The following PSAT1 variants were observed in gnomAD, a reference collection of about 807,000 sequenced individuals.
PSAT1 encodes the protein phosphoserine aminotransferase 1, also known as phosphoserine aminotransferase.
A neutral mutation model predicts 40.3 loss-of-function variants in PSAT1; 41 were observed. The ratio of observed to expected loss-of-function variants is 1.02; its 90% confidence interval spans 0.79 to 1.32. The LOEUF is 1.32. Among genes scored for constraint, PSAT1 ranks in the 40% most tolerant of loss-of-function variants. The pLI is 0.00. For missense variants in PSAT1, 406 were observed against 455.8 expected, an observed-to-expected ratio of 0.89 and a Z score of 0.99; for synonymous variants, 147 against 170.5, an observed-to-expected ratio of 0.86 and a Z score of 1.07.
intron 6 of PSAT1, among the ~76,000 whole-genome samples, chr9:78,315,477 T>G (rs1420911816): frequency 6.6e-6 from 1 of 152,236 alleles, no homozygotes; most frequent in African/African-American, 2.4e-5. Context: ...CTGTCTCTTT[T>G]GTCCCTCTGA....
At chr9:78,308,358 A>T in intron 5 of PSAT1, 56 bp from the exon 6 acceptor site, 2 of 1,576,038 alleles carry the variant, frequency 1.3e-6, no homozygotes, top group Non-Finnish European at 1.7e-6. Context: ...AAGTTTGCAT[A>T]CATGTATGAA....
chr9:78,329,296 A>C lies in PSAT1; in HGVS notation c.*210A>C, dbSNP rs1297266168. On this transcript the variant is annotated 3_prime_UTR_variant, in exon 9 of 9. Coordinates refer to ENST00000376588, the MANE Select transcript of PSAT1 (RefSeq NM_058179.4). The stretch of plus-strand genomic sequence containing the variant: ...CACCTTAATTCTGACTTGAACTGGA[A>C]GCATTTTAAGAAATCTTGTTGCTTT... The C allele has an allele frequency of 1.8e-6, 1 of 548,720 alleles. No homozygotes were observed. Among genetic ancestry groups the C allele is most frequent in the Non-Finnish European group, 3.2e-6 (1 of 308,566 alleles). The allele number at this position is 548,720 out of a possible 1,614,324, so 34.0% of individuals were successfully genotyped here.
At chr9:78,299,514 C>CTTTTTTTTTTTTTAATCTAATTCTT (rs1828076440) in intron 1 of PSAT1, among the ~76,000 whole-genome samples, 2 of 118,522 alleles carry the variant, frequency 1.7e-5, no homozygotes, top group African/African-American at 3.2e-5. Flanking sequence ...TAATCTAATT[C>CTTTTTTTTTTTTTAATCTAATTCTT]TTTTTTTTTT....
intron 1 of PSAT1, among the ~76,000 whole-genome samples, chr9:78,298,833 A>C (rs950430055): frequency 6.6e-6 from 1 of 152,182 alleles, no homozygotes; most frequent in Admixed American, 6.5e-5. Context: ...TGTAACCTAC[A>C]GTGAAAAACA....
intron 6 of PSAT1, among the ~76,000 whole-genome samples, chr9:78,309,704 T>G (rs1828238576): frequency 6.6e-6 from 1 of 152,184 alleles, no homozygotes; most frequent in South Asian, 2.1e-4. Flanking sequence ...GGGGTCCTTT[T>G]AGCCTGGCTC....
At chr9:78,301,217 A>G (rs1828102781) in intron 2 of PSAT1, among the ~76,000 whole-genome samples, 1 of 152,186 alleles carries the variant, frequency 6.6e-6, no homozygotes, top group African/African-American at 2.4e-5. Flanking sequence ...TTACCCTGTC[A>G]TAATTGGTTT....
chr9:78,329,822 CT>C lies in PSAT1; in HGVS notation c.*737del, dbSNP rs1828554713. 1 of 152,152 alleles carries C rather than the reference CT, an allele frequency of 6.6e-6. No individual in the cohort carries two copies. The highest frequency in any genetic ancestry group is 6.5e-5 in the Admixed American group (1 of 15,280). The allele number at this position is 152,152 out of a possible 1,614,324, so 9.4% of individuals were successfully genotyped here. On this transcript the variant is annotated 3_prime_UTR_variant, in exon 9 of 9. Transcript: ENST00000376588. ...CAGTCTTCGCCTTCCTCTTTTTAAGCTGTTTTATGAAAAAGACCTAGAAGTT... is the reference window on the plus strand; with the variant it reads ...CAGTCTTCGCCTTCCTCTTTTTAAGCGTTTTATGAAAAAGACCTAGAAGTT...
At chr9:78,300,728 T>TG in intron 2 of PSAT1, 66 bp downstream of exon 2, 2 of 1,496,904 alleles carry the variant, frequency 1.3e-6, no homozygotes, top group Non-Finnish European at 1.8e-6. Flanking sequence ...TTTTTTTTTT[T>TG]TTTTAGAGGC....
At chr9:78,323,131 A>G (rs981292058) in intron 7 of PSAT1, among the ~76,000 whole-genome samples, 4 of 152,228 alleles carry the variant, frequency 2.6e-5, no homozygotes, top group African/African-American at 9.6e-5. Context: ...GATGAAAACA[A>G]TGAGGATCTG....
In PSAT1 at chr9:78,300,625, A is replaced by G. The variant is rs767989226; in HGVS notation, c.84A>G (p.Glu28=). 6.2e-7 allele frequency: 1 copy of G among 1,607,454 alleles called. No homozygotes were observed. The change falls in exon 2 of 9, where the codon GAA becomes GAG. Residue 28 remains glutamate, a synonymous_variant. Coordinates refer to ENST00000376588, the MANE Select transcript of PSAT1 (RefSeq NM_058179.4). ...PHSVLLEIQK[E]LLDYKGVGIS... ...AGGTGTTGTTAGAGATACAAAAGGA[A>G]TTATTAGACTACAAAGGAGTTGGCA... is the stretch of plus-strand genomic sequence containing the variant.
At chr9:78,305,035 G>A (rs1484458070) in intron 4 of PSAT1, 95 bp downstream of exon 4, 1 of 1,121,386 alleles carries the variant, frequency 8.9e-7, no homozygotes, top group Non-Finnish European at 1.2e-6. Context: ...TTCTCCCCTT[G>A]ACAGTGTTAG....
chr9:78,328,300 T>C lies in PSAT1; in HGVS notation c.1007+112T>C, dbSNP rs1178259464. 7.5e-6 allele frequency: 10 copies of C among 1,340,324 alleles called. No homozygotes were observed. In the Admixed American group the frequency reaches 1.8e-4, roughly 24 times the overall value. 83.0% of individuals were successfully genotyped at this position (1,340,324 alleles called of 1,614,324 possible). ...TAGCTTGGAGTAGCAGTTATGTAAT[T>C]TGTTGGGCCAACCCAGCTGTTATAA... On this transcript the variant is annotated intron_variant, in intron 8 of 8. Transcript: ENST00000376588.
intron 6 of PSAT1, among the ~76,000 whole-genome samples, chr9:78,310,644 T>C (rs891056410): frequency 1.3e-5 from 2 of 151,222 alleles, no homozygotes; most frequent in Non-Finnish European, 2.9e-5. Flanking sequence ...AGAATCTTGC[T>C]CTGTTGCCCA....
At chr9:78,318,183 T>A (rs1251961614) in intron 7 of PSAT1, among the ~76,000 whole-genome samples, 1 of 152,220 alleles carries the variant, frequency 6.6e-6, no homozygotes, top group East Asian at 1.9e-4. Context: ...CTGTTAGCGA[T>A]CTTTGGGACA....
At chr9:78,301,933 T>C (rs202104358) in intron 2 of PSAT1, 21 bp from the exon 3 acceptor site, 1 of 1,571,528 alleles carries the variant, frequency 6.4e-7, no homozygotes, top group East Asian at 2.2e-5. Context: ...TTGTTATTGT[T>C]GTTTATCTTT....
intron 7 of PSAT1, among the ~76,000 whole-genome samples, chr9:78,323,888 C>A (rs1156423688): frequency 6.6e-6 from 1 of 152,212 alleles, no homozygotes; most frequent in Non-Finnish European, 1.5e-5. Flanking sequence ...ACATACTCTT[C>A]TTTCTCATTC....
chr9:78,308,838 C>G (rs1263255256), intron 6 of PSAT1, among the ~76,000 whole-genome samples: 1 of 152,004 alleles, frequency 6.6e-6, no homozygotes, highest in African/African-American at 2.4e-5. Flanking sequence ...GCCTATAATC[C>G]CAGCTACTAA....
intron 3 of PSAT1, among the ~76,000 whole-genome samples, chr9:78,303,548 T>A (rs3758202): frequency 6.6e-6 from 1 of 151,890 alleles, no homozygotes; most frequent in African/African-American, 2.4e-5. Flanking sequence ...TTTCTTTCCA[T>A]CTAATTCTTG....
chr9:78,319,975 T>A (rs1365802658), intron 7 of PSAT1, among the ~76,000 whole-genome samples: 1 of 130,168 alleles, frequency 7.7e-6, no homozygotes, highest in African/African-American at 2.5e-5. Flanking sequence ...CATCTATCCA[T>A]CCACTCATTC....
Sources: allele counts gnomAD v4.1 joint callset (sites outside exome capture counted in the v4.1 genomes callset), GRCh38; gene constraint gnomAD v4.1.1; transcripts MANE v1.5; gene names NCBI Gene and HGNC (gene_info 2026-07-23, HGNC 2026-07-21).